THSD7B: variants seen among roughly 807,000 people sequenced by gnomAD.
The protein encoded by THSD7B is thrombospondin type 1 domain containing 7B.
THSD7B carries 138 observed loss-of-function variants against 213.6 expected under a neutral mutation model. The observed-to-expected ratio is 0.65, with a 90% CI of 0.56 to 0.74. The LOEUF (loss-of-function observed/expected upper bound fraction) is 0.74, where lower values mean the gene tolerates loss of function less well. Ranked by LOEUF, THSD7B falls within the 30% of genes least tolerant of loss-of-function variation. The probability of loss-of-function intolerance (pLI) is 0.00; values close to 1 mark genes in which losing one functional copy is unlikely to be tolerated. For missense variants in THSD7B, 1,931 were observed against 1,991.5 expected (o/e 0.97, Z 0.58); for synonymous variants, 742 against 687.0 (o/e 1.08, Z -1.25).
At chr2:137,200,375 A>G (rs1452985415) in intron 7 of THSD7B, among the ~76,000 whole-genome samples, 6 of 151,932 alleles carry the variant, frequency 3.9e-5, no homozygotes, top group Non-Finnish European at 1.5e-5. Context: ...TAAATACTTT[A>G]CTGTTCAACC....
At chr2:137,324,386 T>C (rs1239360849) in intron 12 of THSD7B, among the ~76,000 whole-genome samples, 2 of 152,212 alleles carry the variant, frequency 1.3e-5, no homozygotes, top group East Asian at 3.9e-4. Context: ...TGAAATAGTA[T>C]TCCTCACAAG....
At chr2:137,113,454 C>T (rs1368629461) in intron 4 of THSD7B, among the ~76,000 whole-genome samples, 7 of 151,876 alleles carry the variant, frequency 4.6e-5, no homozygotes, top group Middle Eastern at 3.4e-3. Flanking sequence ...TTTGTTTTTT[C>T]TTTCGGAGTT....
chr2:137,556,703 T>C (rs925488201), intron 15 of THSD7B, among the ~76,000 whole-genome samples: 3 of 152,110 alleles, frequency 2.0e-5, no homozygotes, highest in African/African-American at 7.2e-5. Flanking sequence ...ATATTAACCT[T>C]AAATGTAAAT....
chr2:137,197,564 G>A (rs192101511), intron 7 of THSD7B, among the ~76,000 whole-genome samples: 1 of 152,234 alleles, frequency 6.6e-6, no homozygotes, highest in Non-Finnish European at 1.5e-5. Context: ...TTAGGACCCT[G>A]TGAAATGGGC....
chr2:137,098,487 G>A (rs942576090), intron 4 of THSD7B, among the ~76,000 whole-genome samples: 3 of 152,078 alleles, frequency 2.0e-5, no homozygotes, highest in Admixed American at 6.6e-5. Context: ...AAACATCCAA[G>A]TAAGATAAAG....
intron 12 of THSD7B, among the ~76,000 whole-genome samples, chr2:137,286,949 A>G (rs1683197236): frequency 6.6e-6 from 1 of 152,170 alleles, no homozygotes; most frequent in Admixed American, 6.5e-5. Flanking sequence ...CTCTGTCCAA[A>G]TCAACATATC....
At position 136,882,234 on chromosome 2, in the gene THSD7B, A is replaced by G. The variant is rs1275185404; in HGVS notation, c.56A>G (p.Lys19Arg). 28 of 1,545,026 alleles carry G rather than the reference A, an allele frequency of 1.8e-5. No homozygotes were observed. Among genetic ancestry groups the G allele is most frequent in the Non-Finnish European group, 2.4e-5 (27 of 1,144,714 alleles). The change falls in exon 2 of 28, where the codon AAG (lysine) becomes AGG (arginine). Residue 19 changes from lysine (K) to arginine (R), a missense_variant. Transcript: ENST00000409968. ...TGCTGGGTATGGAGGAGCATGAGGAAGCTCTTTCTATTGCTTTCTCTCTTG... is the reference window on the plus strand; with the variant it reads ...TGCTGGGTATGGAGGAGCATGAGGAGGCTCTTTCTATTGCTTTCTCTCTTG... ...VTCWVWRSMR[K>R]LFLLLSLLLS...
chr2:137,463,159 A>G (rs1687922880), intron 15 of THSD7B, among the ~76,000 whole-genome samples: 1 of 152,120 alleles, frequency 6.6e-6, no homozygotes, highest in Non-Finnish European at 1.5e-5. Flanking sequence ...TTCGATTGTC[A>G]TGTAAATAAA....
chr2:137,438,697 C>A (rs983597139), intron 14 of THSD7B, among the ~76,000 whole-genome samples: 10 of 152,064 alleles, frequency 6.6e-5, no homozygotes, highest in African/African-American at 2.4e-4. Flanking sequence ...TGGTGTGTAT[C>A]TAAGGCTGCA....
intron 2 of THSD7B, among the ~76,000 whole-genome samples, chr2:136,986,699 A>AT (rs199727486): frequency 0.013 from 1,993 of 151,770 alleles, 58 homozygotes; most frequent in African/African-American, 0.045. Flanking sequence ...TGTTCCCATG[A>AT]TTTTTTTTTG....
At chr2:137,448,916 G>C (rs1161160988) in intron 14 of THSD7B, among the ~76,000 whole-genome samples, 1 of 152,152 alleles carries the variant, frequency 6.6e-6, no homozygotes, top group Admixed American at 6.5e-5. Context: ...AATGGACTTA[G>C]ATTTTACAGA....
At chr2:136,915,094 A>G (rs1348800056) in intron 2 of THSD7B, among the ~76,000 whole-genome samples, 1 of 152,220 alleles carries the variant, frequency 6.6e-6, no homozygotes, top group Non-Finnish European at 1.5e-5. Context: ...TGTTTGGGGC[A>G]TGAAACATCA....
chr2:137,080,992 A>G (rs1377257310), intron 3 of THSD7B, among the ~76,000 whole-genome samples: 1 of 152,180 alleles, frequency 6.6e-6, no homozygotes, highest in Non-Finnish European at 1.5e-5. Flanking sequence ...AGCCAGATAT[A>G]TTATTCTATT....
At chr2:137,261,875 A>G (rs1045118796) in intron 10 of THSD7B, among the ~76,000 whole-genome samples, 18 of 150,924 alleles carry the variant, frequency 1.2e-4, no homozygotes, top group Admixed American at 4.0e-4. Context: ...CAATGTTTCC[A>G]TATAGACCCA....
At chr2:137,220,889 A>T (rs906234670) in intron 7 of THSD7B, among the ~76,000 whole-genome samples, 2 of 152,214 alleles carry the variant, frequency 1.3e-5, no homozygotes, top group African/African-American at 4.8e-5. Flanking sequence ...GAATGAACCT[A>T]AATTGCACTT....
chr2:136,782,611 G>T (rs1190916680), intron 1 of THSD7B, among the ~76,000 whole-genome samples: 1 of 152,084 alleles, frequency 6.6e-6, no homozygotes, highest in Non-Finnish European at 1.5e-5. Flanking sequence ...GGTTACCTGA[G>T]GCTGGGGTGG....
chr2:137,661,259 G>A (rs1280411421), intron 25 of THSD7B, among the ~76,000 whole-genome samples: 2 of 151,908 alleles, frequency 1.3e-5, no homozygotes, highest in African/African-American at 4.8e-5. Context: ...CTGCTTCTTG[G>A]TGACATTCAT....
intron 21 of THSD7B, among the ~76,000 whole-genome samples, chr2:137,651,533 C>A (rs1306658668): frequency 2.0e-5 from 3 of 151,536 alleles, no homozygotes; most frequent in Non-Finnish European, 2.9e-5. Flanking sequence ...ATCATTTGAT[C>A]TTCTGTATGG....
At chr2:137,087,122 C>G (rs1687855675) in intron 3 of THSD7B, among the ~76,000 whole-genome samples, 1 of 151,762 alleles carries the variant, frequency 6.6e-6, no homozygotes, top group Admixed American at 6.6e-5. Flanking sequence ...AATCACAATA[C>G]TACATGAGGA....
Sources: allele counts gnomAD v4.1 joint callset (sites outside exome capture counted in the v4.1 genomes callset), GRCh38; gene constraint gnomAD v4.1.1; transcripts MANE v1.5; gene names NCBI Gene and HGNC (gene_info 2026-07-23, HGNC 2026-07-21).